Variants in UBE2D1 observed in about 807,000 individuals in gnomAD.
The protein encoded by UBE2D1 is ubiquitin-conjugating enzyme E2 D1.
Under a neutral mutation model 24.6 loss-of-function variants are expected in UBE2D1, and 9 were observed. The ratio of observed to expected loss-of-function variants is 0.37; its 90% CI spans 0.22 to 0.64. The LOEUF (loss-of-function observed/expected upper bound fraction) is 0.64, where lower values mean the gene tolerates loss of function less well. Among genes scored for constraint, UBE2D1 ranks in the 30% least tolerant of loss-of-function variants. UBE2D1 has a pLI of 0.64. For missense variants in UBE2D1, 87 were observed against 177.1 expected (o/e 0.49, Z 2.89); for synonymous variants, 57 against 57.6 (o/e 0.99, Z 0.04).
At position 58,370,305 on chromosome 10, in the gene UBE2D1, G is replaced by T. The variant is rs1190453905; in HGVS notation, c.*1540G>T. 6.6e-6 allele frequency: 1 copy of T among 152,228 alleles called. No homozygotes were observed. Among genetic ancestry groups the T allele is most frequent in the Non-Finnish European group, 1.5e-5 (1 of 67,904 alleles). 9.4% of individuals were successfully genotyped at this position (152,228 alleles called of 1,614,324 possible). On this transcript the variant is annotated 3_prime_UTR_variant, in exon 7 of 7. Transcript: ENST00000373910. ...TCTGATTATTGCAGTAGCTGTAGAA[G>T]TATGTAAGAATATGTGATGGGTGTA... is the stretch of plus-strand genomic sequence containing the variant.
Position 58,335,031 on chromosome 10 carries a change from G to C in UBE2D1, c.-171G>C, listed in dbSNP as rs913732595. ...GCACACTCGCGCACACTCGCGCTCGGGCGCACACGGAGCAGGGACCGGCGC... is the reference window on the plus strand; with the variant it reads ...GCACACTCGCGCACACTCGCGCTCGCGCGCACACGGAGCAGGGACCGGCGC... On this transcript the variant is annotated 5_prime_UTR_variant, in exon 1 of 7. Coordinates refer to ENST00000373910, the MANE Select transcript of UBE2D1 (RefSeq NM_003338.5). The C allele has an allele frequency of 1.6e-6, 1 of 624,618 alleles. No individual in the cohort carries two copies. The highest frequency in any genetic ancestry group is 3.3e-5 in the East Asian group (1 of 29,950). The allele number at this position is 624,618 out of a possible 1,614,324, so 38.7% of individuals were successfully genotyped here. A position where few individuals can be genotyped will look rare whatever the true frequency, so the allele number is the denominator to read the frequency against.
chr10:58,346,971 G>A (rs1840024085), intron 1 of UBE2D1, among the ~76,000 whole-genome samples: 1 of 152,178 alleles, frequency 6.6e-6, no homozygotes, highest in Admixed American at 6.5e-5. Context: ...ATCCATCTAT[G>A]CCTACACCTT....
chr10:58,368,758 C>A lies in UBE2D1; in HGVS notation c.437C>A (p.Ala146Glu). The A allele has an allele frequency of 6.3e-7, 1 of 1,583,354 alleles. No homozygotes were observed. The highest frequency in any genetic ancestry group is 8.6e-7 in the Non-Finnish European group (1 of 1,163,890). The change falls in exon 7 of 7, where the codon GCA becomes GAA. Residue 146 changes from alanine to glutamate, a missense_variant. Coordinates refer to ENST00000373910, the MANE Select transcript of UBE2D1 (RefSeq NM_003338.5). ...RHAREWTQKY[A>E]M The stretch of plus-strand genomic sequence containing the variant: ...GCAAGAGAATGGACTCAGAAATATG[C>A]AATGTAAAAATCAAAAACATTTTCA...
chr10:58,354,365 G>A (rs951009609), intron 1 of UBE2D1, among the ~76,000 whole-genome samples: 4 of 151,976 alleles, frequency 2.6e-5, no homozygotes, highest in African/African-American at 9.7e-5. Flanking sequence ...ACTGTGTCTA[G>A]GAAACATCCA....
chr10:58,363,542 G>T, intron 3 of UBE2D1, 67 bp from the exon 4 acceptor site: 1 of 1,128,978 alleles, frequency 8.9e-7, no homozygotes, highest in Admixed American at 2.5e-5. Context: ...ATATTTGGGG[G>T]AAATAATTTT....
intron 1 of UBE2D1, among the ~76,000 whole-genome samples, chr10:58,340,440 T>C (rs976004283): frequency 1.3e-5 from 2 of 152,146 alleles, no homozygotes; most frequent in Non-Finnish European, 1.5e-5. Flanking sequence ...TAAATCACTT[T>C]CCATAATTTA....
At chr10:58,366,377 G>T (rs1355032171) in intron 5 of UBE2D1, among the ~76,000 whole-genome samples, 2 of 152,072 alleles carry the variant, frequency 1.3e-5, no homozygotes, top group Non-Finnish European at 1.5e-5. Flanking sequence ...AGCACATAGT[G>T]GGCACTTACA....
rs1589005661 is a variant in UBE2D1 at position 58,369,225 on chromosome 10, T to C, written c.*460T>C. 1 of 152,568 alleles carries C rather than the reference T, an allele frequency of 6.6e-6. No individual in the cohort carries two copies. The highest frequency in any genetic ancestry group is 2.1e-4 in the South Asian group (1 of 4,828). The allele number at this position is 152,568 out of a possible 1,614,324, so 9.5% of individuals were successfully genotyped here. ...AGACTAAATATATTCTATTTACATG[T>C]ATGTCAACTCATTACTTTTTTCCTG... is the stretch of plus-strand genomic sequence containing the variant. On this transcript the variant is annotated 3_prime_UTR_variant, in exon 7 of 7. Transcript: ENST00000373910.
Position 58,335,010 on chromosome 10 carries a change from A to G in UBE2D1, c.-192A>G, listed in dbSNP as rs1004423503. 5 of 550,634 alleles carry G rather than the reference A, an allele frequency of 9.1e-6. No homozygotes were observed. Among genetic ancestry groups the G allele is most frequent in the African/African-American group, 2.0e-5 (1 of 49,262 alleles). 34.1% of individuals were successfully genotyped at this position (550,634 alleles called of 1,614,324 possible). A position where few individuals can be genotyped will look rare whatever the true frequency, so the allele number is the denominator to read the frequency against. ...GTCTCGCCGGCGTCCCCGCCCGCAC[A>G]CTCGCGCACACTCGCGCTCGGGCGC... On this transcript the variant is annotated 5_prime_UTR_variant, in exon 1 of 7. Coordinates refer to ENST00000373910, the MANE Select transcript of UBE2D1 (RefSeq NM_003338.5).
intron 1 of UBE2D1, among the ~76,000 whole-genome samples, chr10:58,342,301 T>C (rs759089241): frequency 1.3e-5 from 2 of 152,202 alleles, no homozygotes; most frequent in African/African-American, 2.4e-5. Flanking sequence ...TTTGTATGGC[T>C]CATCTCTTTT....
intron 1 of UBE2D1, among the ~76,000 whole-genome samples, chr10:58,357,069 G>T (rs1432638604): frequency 6.6e-6 from 1 of 152,062 alleles, no homozygotes; most frequent in East Asian, 1.9e-4. Flanking sequence ...GGAATCTGGG[G>T]TATATAAATT....
At position 58,367,963 on chromosome 10, in the gene UBE2D1, A is replaced by C; in HGVS notation, c.345A>C (p.Pro115=). 1 of 1,611,392 alleles carries C rather than the reference A, an allele frequency of 6.2e-7. No individual in the cohort carries two copies. The highest frequency in any genetic ancestry group is 8.5e-7 in the Non-Finnish European group (1 of 1,178,182). The part of the protein sequence containing the change: ...SICSLLCDPN[P]DDPLVPDIAQ... ...GTTCTCTACTTTGTGATCCTAATCC[A>C]GATGACCCCTTAGTACCAGATATTG... Residue 115 remains proline (P), a synonymous_variant, in exon 6 of 7, where the codon CCA becomes CCC. Coordinates refer to ENST00000373910, the MANE Select transcript of UBE2D1 (RefSeq NM_003338.5).
At chr10:58,336,887 T>G (rs1490642144) in intron 1 of UBE2D1, among the ~76,000 whole-genome samples, 1 of 152,204 alleles carries the variant, frequency 6.6e-6, no homozygotes, top group Non-Finnish European at 1.5e-5. Flanking sequence ...ATGCTGATCT[T>G]GAACTCCTGG....
chr10:58,338,034 A>G (rs1040648888), intron 1 of UBE2D1, among the ~76,000 whole-genome samples: 2 of 151,846 alleles, frequency 1.3e-5, no homozygotes, highest in Non-Finnish European at 2.9e-5. Context: ...TTTAGTAGAG[A>G]TGGGGTTTCA....
chr10:58,342,834 G>T (rs1279869626), intron 1 of UBE2D1, among the ~76,000 whole-genome samples: 115 of 126,526 alleles, frequency 9.1e-4, no homozygotes, highest in South Asian at 1.3e-3. Flanking sequence ...TTTTTTTTTT[G>T]TTTTTTTTTT....
intron 1 of UBE2D1, among the ~76,000 whole-genome samples, chr10:58,339,131 G>A (rs952446100): frequency 6.6e-6 from 1 of 151,994 alleles, no homozygotes; most frequent in Non-Finnish European, 1.5e-5. Context: ...TTTTAGACAG[G>A]GTCTCACTTT....
In UBE2D1 at chr10:58,361,569, A is replaced by T. The variant is rs771712310; in HGVS notation, c.120+43A>T. On this transcript the variant is annotated intron_variant, in intron 3 of 6. Coordinates refer to ENST00000373910, the MANE Select transcript of UBE2D1 (RefSeq NM_003338.5). The stretch of plus-strand genomic sequence containing the variant: ...CTATGAAATTAACCCCCTCAGCCAT[A>T]CTTCATTCTTGCCATTTCACCTTTG... 5.6e-6 allele frequency: 9 copies of T among 1,611,324 alleles called. No homozygotes were observed. The South Asian group carries it at 9.9e-5, about 18-fold the overall frequency.
At chr10:58,364,614 G>A (rs1212322528) in intron 4 of UBE2D1, 157 bp from the exon 5 acceptor site, 1 of 599,448 alleles carries the variant, frequency 1.7e-6, no homozygotes, top group Non-Finnish European at 2.9e-6. Flanking sequence ...ACTGTGTGTA[G>A]CACAAAGTAG....
intron 5 of UBE2D1, among the ~76,000 whole-genome samples, chr10:58,365,639 A>C (rs918903706): frequency 2.0e-5 from 3 of 152,130 alleles, no homozygotes; most frequent in African/African-American, 7.2e-5. Context: ...AAGCCATTTT[A>C]TTTCATTAGC....
Sources: allele counts gnomAD v4.1 joint callset (sites outside exome capture counted in the v4.1 genomes callset), GRCh38; gene constraint gnomAD v4.1.1; transcripts MANE v1.5; gene names NCBI Gene and HGNC (gene_info 2026-07-23, HGNC 2026-07-21).